Variants in GRIA2 observed in about 807,000 individuals in gnomAD.
GRIA2 encodes glutamate ionotropic receptor AMPA type subunit 2.
A neutral mutation model predicts 97.3 loss-of-function variants in GRIA2; 14 were observed. The ratio of observed to expected loss-of-function variants is 0.14; its 90% CI spans 0.10 to 0.23. The LOEUF (loss-of-function observed/expected upper bound fraction) is 0.23. Ranked by LOEUF, GRIA2 falls within the 10% of genes least tolerant of loss-of-function variation. The pLI is 1.00. For synonymous variants in GRIA2, 412 were observed against 387.8 expected, an observed-to-expected ratio of 1.06 and a Z score of -0.73; for missense variants, 558 against 1,069.8, an observed-to-expected ratio of 0.52 and a Z score of 6.67.
chr4:157,354,777 T>C (rs910269528), intron 12 of GRIA2, among the ~76,000 whole-genome samples: 1 of 152,134 alleles, frequency 6.6e-6, no homozygotes, highest in Non-Finnish European at 1.5e-5. Flanking sequence ...ATTAGGGTAG[T>C]GCGTATGTTA....
intron 12 of GRIA2, among the ~76,000 whole-genome samples, chr4:157,358,469 G>T (rs555735324): frequency 7.8e-4 from 119 of 152,266 alleles, no homozygotes; most frequent in African/African-American, 2.8e-3. Context: ...AAGCGGCATT[G>T]TTTGGTAATA....
At chr4:157,318,747 A>C (rs1240573170) in intron 5 of GRIA2, among the ~76,000 whole-genome samples, 1 of 152,072 alleles carries the variant, frequency 6.6e-6, no homozygotes, top group Non-Finnish European at 1.5e-5. Context: ...ATACCTCTAC[A>C]CCCCTGTCTC....
intron 2 of GRIA2, among the ~76,000 whole-genome samples, chr4:157,274,864 A>T (rs1323184480): frequency 1.3e-5 from 2 of 151,904 alleles, no homozygotes; most frequent in Admixed American, 1.3e-4. Flanking sequence ...ATGATTTATA[A>T]TCCTTTGGGT....
In GRIA2 at chr4:157,293,238, G is replaced by A. The variant is rs542827605; in HGVS notation, c.230-10314G>A. ...AGAAATAATAGCACATGTGCTCCAA[G>A]ATGTATGTATTCACATGTTCACTGC... On this transcript the variant is annotated intron_variant, in intron 2 of 15. Coordinates refer to ENST00000264426, the MANE Select transcript of GRIA2 (RefSeq NM_001083619.3). Among the ~76,000 whole-genome samples, 121 of 152,246 alleles carry A rather than the reference G, an allele frequency of 7.9e-4. 1 individual carries two copies. In the Middle Eastern group the frequency reaches 0.017, roughly 21 times the overall value.
At chr4:157,307,598 A>G (rs1207806513) in intron 3 of GRIA2, among the ~76,000 whole-genome samples, 1 of 152,208 alleles carries the variant, frequency 6.6e-6, no homozygotes, top group Non-Finnish European at 1.5e-5. Context: ...GGGGTTATCT[A>G]TGTTAATGCA....
At chr4:157,326,564 G>A (rs1490899071) in intron 6 of GRIA2, among the ~76,000 whole-genome samples, 1 of 152,052 alleles carries the variant, frequency 6.6e-6, no homozygotes, top group Admixed American at 6.6e-5. Context: ...TAATTCTAGA[G>A]GTAAGAAAAG....
intron 2 of GRIA2, among the ~76,000 whole-genome samples, chr4:157,245,023 AT>A (rs1476327712): frequency 3.9e-5 from 6 of 152,104 alleles, no homozygotes; most frequent in African/African-American, 9.7e-5. Context: ...ACATAAAAAA[AT>A]AATAGCAGAT....
At chr4:157,272,322 T>G (rs2126791734) in intron 2 of GRIA2, among the ~76,000 whole-genome samples, 1 of 152,160 alleles carries the variant, frequency 6.6e-6, no homozygotes, top group South Asian at 2.1e-4. Context: ...ACACCTTTTC[T>G]TGATCTAACA....
At chr4:157,313,691 G>T (rs545069189) in intron 4 of GRIA2, among the ~76,000 whole-genome samples, 1 of 152,010 alleles carries the variant, frequency 6.6e-6, no homozygotes, top group South Asian at 2.1e-4. Flanking sequence ...ACTGATATCT[G>T]CATCTCTTCC....
intron 2 of GRIA2, among the ~76,000 whole-genome samples, chr4:157,245,081 G>T: frequency 6.6e-6 from 1 of 151,734 alleles, no homozygotes; most frequent in Non-Finnish European, 1.5e-5. Flanking sequence ...TTATCTAATG[G>T]ACAAAAACAG....
rs188798780 is a variant in GRIA2, at chr4:157,270,269, T to C, written c.230-33283T>C. 2.7e-3 allele frequency among the ~76,000 whole-genome samples: 410 copies of C among 152,204 alleles called. 4 individuals carry two copies. Among genetic ancestry groups the C allele is most frequent in the African/African-American group, 9.3e-3 (387 of 41,568 alleles). ...GGTGTGTGTTCCGTGTAATGACACC[T>C]GGAAGTCCTGGCACTCTAAAAGGCA... On this transcript the variant is annotated intron_variant, in intron 2 of 15. Coordinates refer to ENST00000264426, the MANE Select transcript of GRIA2 (RefSeq NM_001083619.3).
chr4:157,271,961 A>G (rs781007554), intron 2 of GRIA2, among the ~76,000 whole-genome samples: 1 of 152,142 alleles, frequency 6.6e-6, no homozygotes, highest in Non-Finnish European at 1.5e-5. Flanking sequence ...AGAACTGGAA[A>G]AAAGGACTTT....
At chr4:157,294,387 C>A (rs1733244790) in intron 2 of GRIA2, among the ~76,000 whole-genome samples, 1 of 150,234 alleles carries the variant, frequency 6.7e-6, no homozygotes, top group African/African-American at 2.4e-5. Context: ...TAATTAAGAT[C>A]AGACAAGAGA....
intron 12 of GRIA2, among the ~76,000 whole-genome samples, chr4:157,349,560 T>C (rs573888597): frequency 1.3e-5 from 2 of 148,978 alleles, no homozygotes; most frequent in South Asian, 2.2e-4. Flanking sequence ...GTGGGACATA[T>C]AGAGATATTT....
Position 157,231,542 on chromosome 4 carries a change from A to G in GRIA2, c.229+9735A>G, listed in dbSNP as rs189311995. 2.6e-5 allele frequency among the ~76,000 whole-genome samples: 4 copies of G among 152,312 alleles called. 1 individual carries two copies. In the East Asian group the frequency reaches 7.7e-4, roughly 29 times the overall value. Reference sequence around the variant, plus strand: ...GTGCTTTATTATTCTGGGCTGGCAAAAAAGCCATCCTTGAAAATTATGAGG... The same window carrying G: ...GTGCTTTATTATTCTGGGCTGGCAAGAAAGCCATCCTTGAAAATTATGAGG... On this transcript the variant is annotated intron_variant, in intron 2 of 15. Transcript: ENST00000264426.
At position 157,233,579 on chromosome 4, in the gene GRIA2, C is replaced by G. The variant is rs139105578; in HGVS notation, c.229+11772C>G. Among the ~76,000 whole-genome samples the G allele has an allele frequency of 9.9e-5, 15 of 152,044 alleles. No homozygotes were observed. The East Asian group carries it at 2.9e-3, about 29-fold the overall frequency. On this transcript the variant is annotated intron_variant, in intron 2 of 15. Coordinates refer to ENST00000264426, the MANE Select transcript of GRIA2 (RefSeq NM_001083619.3). ...GTTTTTTTCTCTTTGTAGAATAAGG[C>G]TCAGTTTCCTTGTCATATCTGATAA...
At chr4:157,289,733 T>C (rs570253567) in intron 2 of GRIA2, among the ~76,000 whole-genome samples, 1 of 151,894 alleles carries the variant, frequency 6.6e-6, no homozygotes. Context: ...TACAGTAGCA[T>C]GCAAGCACAC....
At chr4:157,320,004 A>G (rs1468988343) in intron 5 of GRIA2, among the ~76,000 whole-genome samples, 1 of 152,122 alleles carries the variant, frequency 6.6e-6, no homozygotes, top group African/African-American at 2.4e-5. Flanking sequence ...TCTCCTAGAA[A>G]TTAAAAATTC....
chr4:157,238,811 C>G (rs1349582139), intron 2 of GRIA2, among the ~76,000 whole-genome samples: 1 of 152,098 alleles, frequency 6.6e-6, no homozygotes, highest in African/African-American at 2.4e-5. Flanking sequence ...ATAATCCCAT[C>G]AATAGTCTAT....
Sources: allele counts gnomAD v4.1 joint callset (sites outside exome capture counted in the v4.1 genomes callset), GRCh38; gene constraint gnomAD v4.1.1; transcripts MANE v1.5; gene names NCBI Gene and HGNC (gene_info 2026-07-23, HGNC 2026-07-21).